TNNI3K: variants seen among roughly 807,000 people sequenced by gnomAD.
TNNI3K encodes the protein TNNI3 interacting kinase, also known as serine/threonine-protein kinase TNNI3K.
TNNI3K carries 140 observed loss-of-function variants against 114.5 expected under a neutral mutation model. That is an observed-to-expected ratio of 1.22 (90% CI 1.07 to 1.41). TNNI3K has a LOEUF of 1.41. TNNI3K is among the 40% of genes most tolerant of loss of function. The pLI, the probability that TNNI3K is intolerant of heterozygous loss-of-function variation, is 0.00. For missense variants in TNNI3K, 1,125 were observed against 1,007.6 expected (o/e 1.12, Z -1.58); for synonymous variants, 347 against 347.5 (o/e 1.00, Z 0.02).
chr1:74,283,722 A>G (rs1275559635), intron 5 of TNNI3K, among the ~76,000 whole-genome samples: 3 of 152,174 alleles, frequency 2.0e-5, no homozygotes, highest in Non-Finnish European at 2.9e-5. Context: ...CAATCTTTCT[A>G]TGCACTGAAT....
chr1:74,258,115 C>G (rs1025929169), intron 4 of TNNI3K, among the ~76,000 whole-genome samples: 2 of 152,056 alleles, frequency 1.3e-5, no homozygotes, highest in African/African-American at 4.8e-5. Context: ...GTTCCAAAAT[C>G]CCCCCGTACT....
intron 17 of TNNI3K, among the ~76,000 whole-genome samples, chr1:74,394,289 A>T (rs972298077): frequency 6.6e-6 from 1 of 152,248 alleles, no homozygotes; most frequent in Non-Finnish European, 1.5e-5. Context: ...AGTATTAAAA[A>T]TTAGGAAGAC....
intron 21 of TNNI3K, among the ~76,000 whole-genome samples, chr1:74,486,201 A>AAGAGAGAGAGAGAGAGAGAGAGAGAGAG (rs58506314): frequency 1.3e-4 from 18 of 136,514 alleles, no homozygotes; most frequent in African/African-American, 4.7e-4. Flanking sequence ...AAATGCTATA[A>AAGAGAGAGAGAGAGAGAGAGAGAGAGAG]AGAGAGAGAG....
chr1:74,369,645 C>T, intron 16 of TNNI3K, 60 bp downstream of exon 16: 1 of 1,477,756 alleles, frequency 6.8e-7, no homozygotes, highest in Non-Finnish European at 9.0e-7. Context: ...TCTTGCAATA[C>T]TTCAGAGGGT....
chr1:74,540,200 C>T (rs1570759847), intron 23 of TNNI3K, 34 bp from the exon 24 acceptor site: 1 of 1,603,830 alleles, frequency 6.2e-7, no homozygotes. Flanking sequence ...ATCAGATCAC[C>T]ATACTGTGAA....
chr1:74,328,468 A>T (rs1326178575), intron 5 of TNNI3K, among the ~76,000 whole-genome samples: 1 of 152,132 alleles, frequency 6.6e-6, no homozygotes, highest in Non-Finnish European at 1.5e-5. Flanking sequence ...CCCCATCATT[A>T]CTCCAAAGGT....
intron 11 of TNNI3K, among the ~76,000 whole-genome samples, chr1:74,364,365 A>G (rs1487452701): frequency 6.6e-6 from 1 of 151,872 alleles, no homozygotes; most frequent in Admixed American, 6.6e-5. Flanking sequence ...AATGGCCACC[A>G]AAGCTAGAAA....
intron 23 of TNNI3K, among the ~76,000 whole-genome samples, chr1:74,500,598 C>G (rs930397341): frequency 1.3e-5 from 1 of 74,956 alleles, no homozygotes; most frequent in Non-Finnish European, 2.5e-5. Flanking sequence ...AGCGAGACTC[C>G]GTCTCAAAAA....
intron 21 of TNNI3K, among the ~76,000 whole-genome samples, chr1:74,467,596 T>A (rs1472230867): frequency 5.9e-5 from 9 of 151,686 alleles, no homozygotes; most frequent in Non-Finnish European, 1.5e-5. Flanking sequence ...TCTAAAGGAG[T>A]GAAAAGATAA....
At chr1:74,322,194 G>A (rs1659646242) in intron 5 of TNNI3K, among the ~76,000 whole-genome samples, 1 of 152,126 alleles carries the variant, frequency 6.6e-6, no homozygotes, top group South Asian at 2.1e-4. Context: ...TTGATTGAGA[G>A]ATTGACCCCA....
chr1:74,536,749 C>T (rs1646665440), intron 23 of TNNI3K, among the ~76,000 whole-genome samples: 3 of 152,106 alleles, frequency 2.0e-5, no homozygotes, highest in Admixed American at 2.0e-4. Flanking sequence ...ATAAAGAAGA[C>T]TACCTAGTTG....
At chr1:74,409,639 G>A (rs913390308) in intron 17 of TNNI3K, among the ~76,000 whole-genome samples, 2 of 151,414 alleles carry the variant, frequency 1.3e-5, no homozygotes, top group African/African-American at 4.8e-5. Flanking sequence ...GATTACAGGT[G>A]TCTGCGACAC....
At chr1:74,409,714 G>A (rs1219325190) in intron 17 of TNNI3K, among the ~76,000 whole-genome samples, 2 of 151,858 alleles carry the variant, frequency 1.3e-5, no homozygotes, top group South Asian at 4.2e-4. Context: ...GGCTGGTCTC[G>A]AACTCCTGAC....
At chr1:74,420,856 G>A (rs1446632500) in intron 17 of TNNI3K, among the ~76,000 whole-genome samples, 1 of 152,038 alleles carries the variant, frequency 6.6e-6, no homozygotes, top group African/African-American at 2.4e-5. Context: ...AAGAATGGCT[G>A]CTTCTTATCT....
chr1:74,413,372 C>A (rs910385993), intron 17 of TNNI3K, among the ~76,000 whole-genome samples: 4 of 152,152 alleles, frequency 2.6e-5, no homozygotes, highest in Non-Finnish European at 4.4e-5. Context: ...TTGCACTTTA[C>A]AAAGAACATT....
chr1:74,489,437 G>C (rs924366045), intron 22 of TNNI3K, among the ~76,000 whole-genome samples, 189 bp downstream of exon 22: 1 of 152,186 alleles, frequency 6.6e-6, no homozygotes, highest in African/African-American at 2.4e-5. Flanking sequence ...CAAAGGCAAA[G>C]TCAGAGTGAA....
intron 23 of TNNI3K, among the ~76,000 whole-genome samples, chr1:74,537,161 A>T (rs1291347643): frequency 6.6e-6 from 1 of 152,226 alleles, no homozygotes; most frequent in Admixed American, 6.5e-5. Context: ...GCTTTTATTC[A>T]GAAGAAACCA....
chr1:74,535,419 G>A (rs889596793), intron 23 of TNNI3K, among the ~76,000 whole-genome samples: 8 of 152,084 alleles, frequency 5.3e-5, no homozygotes, highest in Admixed American at 5.2e-4. Flanking sequence ...GCAGTGAGCC[G>A]AGATTGCATC....
intron 11 of TNNI3K, among the ~76,000 whole-genome samples, chr1:74,356,995 AT>A (rs1661694437): frequency 1.3e-5 from 2 of 152,232 alleles, no homozygotes; most frequent in East Asian, 3.9e-4. Context: ...AATTGTTGCT[AT>A]TTTTCTCTTC....
Sources: gnomAD v4.1 joint callset for allele counts (sites outside exome capture counted in the v4.1 genomes callset) on GRCh38, gnomAD v4.1.1 for gene constraint, MANE v1.5 for transcripts, NCBI Gene and HGNC (gene_info 2026-07-23, HGNC 2026-07-21) for gene names.